The following SPINK5 variants were observed in gnomAD, a reference collection of about 807,000 sequenced individuals.
The protein encoded by SPINK5 is serine peptidase inhibitor Kazal type 5.
A neutral mutation model predicts 151.8 loss-of-function variants in SPINK5; 125 were observed. The observed-to-expected ratio is 0.82, with a 90% CI of 0.71 to 0.96. The LOEUF is 0.96. SPINK5 is among the 40% of genes least tolerant of loss of function. The pLI, the probability that SPINK5 is intolerant of heterozygous loss-of-function variation, is 0.00. For missense variants in SPINK5, 1,194 were observed against 1,291.9 expected (o/e 0.92, Z 1.16); for synonymous variants, 374 against 395.3 (o/e 0.95, Z 0.64).
At chr5:148,136,188 T>A (rs529123127) in intron 32 of SPINK5, among the ~76,000 whole-genome samples, 1 of 152,170 alleles carries the variant, frequency 6.6e-6, no homozygotes, top group East Asian at 1.9e-4. Flanking sequence ...AATTAAAAGA[T>A]GATTTGCTAT....
At chr5:148,064,328 G>T (rs1423898650) in intron 1 of SPINK5, among the ~76,000 whole-genome samples, 1 of 152,118 alleles carries the variant, frequency 6.6e-6, no homozygotes, top group East Asian at 1.9e-4. Flanking sequence ...CTAACCATGA[G>T]AAATTCTTCC....
At chr5:148,069,354 C>T (rs1752674809) in intron 2 of SPINK5, among the ~76,000 whole-genome samples, 1 of 151,412 alleles carries the variant, frequency 6.6e-6, no homozygotes. Context: ...AAAATGTTTC[C>T]CCTGTCCTCC....
At chr5:148,131,233 G>A (rs371729818) in intron 30 of SPINK5, 26 bp from the exon 31 acceptor site, 78 of 1,612,942 alleles carry the variant, frequency 4.8e-5, no homozygotes, top group Admixed American at 8.3e-5. Context: ...CATAAAGTAC[G>A]TCTGCTTTAT....
At chr5:148,107,211 C>G (rs41291431) in intron 17 of SPINK5, 47 bp downstream of exon 17, 5 of 1,600,914 alleles carry the variant, frequency 3.1e-6, no homozygotes, top group Non-Finnish European at 4.3e-6. Context: ...CATCCATGAT[C>G]GCCCCTGAGT....
At chr5:148,106,286 C>T (rs1245430569) in intron 16 of SPINK5, among the ~76,000 whole-genome samples, 6 of 151,830 alleles carry the variant, frequency 4.0e-5, no homozygotes, top group Non-Finnish European at 5.9e-5. Flanking sequence ...CAGACTTATT[C>T]TCTTCTCTAT....
rs1177733744 is a variant in SPINK5 at position 148,097,975 on chromosome 5, T to C, written c.991T>C (p.Ser331Pro). Reference protein sequence around the residue: ...PDGKMHGNLCSMCQAYFQAEN... With the variant: ...PDGKMHGNLCPMCQAYFQAEN... ...TGGGAAAATGCATGGCAACTTGTGT[T>C]CCATGTGTCAAGCCTACTTGTGAGT... Residue 331 changes from serine (S) to proline (P), a missense_variant, in exon 11 of 33, where the codon TCC becomes CCC. Coordinates refer to ENST00000256084, the MANE Select transcript of SPINK5 (RefSeq NM_006846.4). 1 of 1,611,960 alleles carries C rather than the reference T, an allele frequency of 6.2e-7. No homozygotes were observed. Among genetic ancestry groups the C allele is most frequent in the African/African-American group, 1.3e-5 (1 of 74,816 alleles).
intron 30 of SPINK5, among the ~76,000 whole-genome samples, chr5:148,128,880 A>C (rs1277778956): frequency 1.3e-5 from 2 of 152,216 alleles, no homozygotes; most frequent in Non-Finnish European, 2.9e-5. Flanking sequence ...GATAGCGCTC[A>C]CTACATGAAG....
intron 4 of SPINK5, among the ~76,000 whole-genome samples, chr5:148,073,858 ACAC>A (rs1752809995): frequency 7.0e-6 from 1 of 142,240 alleles, no homozygotes; most frequent in African/African-American, 2.7e-5. Context: ...ACACACACAC[ACAC>A]AAAACTGTAA....
At chr5:148,069,533 G>A (rs1330212985) in intron 2 of SPINK5, among the ~76,000 whole-genome samples, 1 of 152,080 alleles carries the variant, frequency 6.6e-6, no homozygotes, top group East Asian at 1.9e-4. Flanking sequence ...AATTTCCTCA[G>A]TACTTCCATA....
intron 32 of SPINK5, among the ~76,000 whole-genome samples, chr5:148,135,412 T>A (rs1165611037): frequency 6.6e-6 from 1 of 152,176 alleles, no homozygotes; most frequent in Non-Finnish European, 1.5e-5. Context: ...GAACTTGCCA[T>A]AGGTTTATAC....
rs368201841 is a variant in SPINK5 at position 148,097,772 on chromosome 5, A to C, written c.883-95A>C. On this transcript the variant is annotated intron_variant, in intron 10 of 32. Transcript: ENST00000256084. ...CTAAATCTTAAAAGTTTTATTTTTC[A>C]TCCTTAATTTCTCTTTTTTCTTTGT... 55 of 1,337,608 alleles carry C rather than the reference A, an allele frequency of 4.1e-5. No homozygotes were observed. The East Asian group carries it at 7.7e-4, about 19-fold the overall frequency. The allele number at this position is 1,337,608 out of a possible 1,614,324, so 82.9% of individuals were successfully genotyped here. A position where few individuals can be genotyped will look rare whatever the true frequency, so the allele number is the denominator to read the frequency against.
At position 148,131,271 on chromosome 5, in the gene SPINK5, T is replaced by C. The variant is rs1167536522; in HGVS notation, c.2977T>C (p.Cys993Arg). 3 of 1,613,854 alleles carry C rather than the reference T, an allele frequency of 1.9e-6. No homozygotes were observed. Among genetic ancestry groups the C allele is most frequent in the Admixed American group, 1.7e-5 (1 of 60,020 alleles). The change falls in exon 31 of 33, where the codon TGC becomes CGC. Residue 993 changes from cysteine (C) to arginine (R), a missense_variant. Transcript: ENST00000256084. Reference sequence around the variant, plus strand: ...TTTGCTTCTTCAGGATTCTGAGATGTGCAAAGACTACCGAGTATTGCCCAG... The same window carrying C: ...TTTGCTTCTTCAGGATTCTGAGATGCGCAAAGACTACCGAGTATTGCCCAG... ...DSFSSLDSEM[C>R]KDYRVLPRIG...
intron 4 of SPINK5, among the ~76,000 whole-genome samples, chr5:148,076,603 G>A (rs1288857599): frequency 2.0e-5 from 3 of 151,578 alleles, no homozygotes; most frequent in Non-Finnish European, 3.0e-5. Context: ...ATAATTAATG[G>A]AGTTTGTCTT....
chr5:148,073,825 C>A (rs1211014664), intron 4 of SPINK5, among the ~76,000 whole-genome samples: 2 of 129,702 alleles, frequency 1.5e-5, no homozygotes, highest in African/African-American at 6.8e-5. Context: ...CACACACACA[C>A]ACACACACAC....
chr5:148,095,944 G>A (rs1415079371), intron 10 of SPINK5, 39 bp downstream of exon 10: 3 of 1,485,036 alleles, frequency 2.0e-6, no homozygotes, highest in East Asian at 4.6e-5. Context: ...CAACTTGTGT[G>A]TGTGTGGGGG....
intron 31 of SPINK5, among the ~76,000 whole-genome samples, chr5:148,132,418 G>A (rs73271180): frequency 0.013 from 1,973 of 152,220 alleles, 46 homozygotes; most frequent in African/African-American, 0.045. Flanking sequence ...TTTAGGTAAG[G>A]TATGGTAGAT....
At chr5:148,099,077 C>T (rs967828979) in intron 11 of SPINK5, among the ~76,000 whole-genome samples, 157 bp from the exon 12 acceptor site, 9 of 138,566 alleles carry the variant, frequency 6.5e-5, no homozygotes, top group African/African-American at 2.9e-4. Flanking sequence ...CCATACTATC[C>T]TGGAGGATAT....
intron 26 of SPINK5, among the ~76,000 whole-genome samples, chr5:148,121,774 A>G (rs993763147): frequency 4.6e-5 from 7 of 151,698 alleles, no homozygotes; most frequent in Non-Finnish European, 7.4e-5. Flanking sequence ...CCTGGGCAAC[A>G]TAGTGAGACC....
In SPINK5 at chr5:148,131,297, G is replaced by C. The variant is rs778383258; in HGVS notation, c.3003G>C (p.Arg1001Ser). Reference sequence around the variant, plus strand: ...GCAAAGACTACCGAGTATTGCCCAGGATAGGTTATCTTTGTCCAAAGGATT... The same window carrying C: ...GCAAAGACTACCGAGTATTGCCCAGCATAGGTTATCTTTGTCCAAAGGATT... ...EMCKDYRVLPRIGYLCPKDLK... is the reference protein window; with the variant it reads ...EMCKDYRVLPSIGYLCPKDLK... Residue 1001 changes from arginine to serine, a missense_variant, in exon 31 of 33, where the codon AGG becomes AGC. Arg to Ser is a moderately radical substitution (Grantham distance 110, BLOSUM62 -1). Transcript: ENST00000256084. The C allele has an allele frequency of 2.2e-5, 35 of 1,613,868 alleles. No individual in the cohort carries two copies. In the Admixed American group the frequency reaches 5.8e-4, roughly 27 times the overall value.
Sources: gnomAD v4.1 joint callset for allele counts (sites outside exome capture counted in the v4.1 genomes callset) on GRCh38, gnomAD v4.1.1 for gene constraint, MANE v1.5 for transcripts, NCBI Gene and HGNC (gene_info 2026-07-23, HGNC 2026-07-21) for gene names.